PCNX1: variants seen among roughly 807,000 people sequenced by gnomAD.
PCNX1 encodes the protein pecanex-like protein 1.
Under a neutral mutation model 242.2 loss-of-function variants are expected in PCNX1, and 78 were observed. The ratio of observed to expected loss-of-function variants is 0.32; its 90% CI spans 0.27 to 0.39. PCNX1 has a LOEUF of 0.39. Among genes scored for constraint, PCNX1 ranks in the 10% least tolerant of loss-of-function variants. The probability of loss-of-function intolerance (pLI) is 1.00; values close to 1 mark genes in which losing one functional copy is unlikely to be tolerated. For missense variants in PCNX1, 2,581 were observed against 2,856.5 expected, an observed-to-expected ratio of 0.90 and a Z score of 2.20; for synonymous variants, 1,024 against 1,032.9, an observed-to-expected ratio of 0.99 and a Z score of 0.17.
chr14:70,912,814 A>C (rs2055983669), intron 1 of PCNX1, among the ~76,000 whole-genome samples: 1 of 152,132 alleles, frequency 6.6e-6, no homozygotes, highest in South Asian at 2.1e-4. Context: ...TGCTGTAGTC[A>C]CACTGGCCTT....
intron 6 of PCNX1, among the ~76,000 whole-genome samples, chr14:70,984,216 C>G (rs1012184325): frequency 6.6e-6 from 1 of 151,236 alleles, no homozygotes; most frequent in African/African-American, 2.4e-5. Flanking sequence ...CTTTTCCCCC[C>G]ACGATAAACA....
chr14:71,095,681 TA>T (rs1225532826), intron 30 of PCNX1, among the ~76,000 whole-genome samples: 1 of 152,132 alleles, frequency 6.6e-6, no homozygotes, highest in East Asian at 1.9e-4. Flanking sequence ...TGTAACATGC[TA>T]TTTTTTTTCA....
intron 26 of PCNX1, among the ~76,000 whole-genome samples, chr14:71,060,306 T>TAA (rs568029464): frequency 3.7e-4 from 57 of 152,212 alleles, no homozygotes; most frequent in Non-Finnish European, 6.3e-4. Context: ...TAGTACTAGA[T>TAA]AATGATAATA....
intron 19 of PCNX1, among the ~76,000 whole-genome samples, chr14:71,043,082 G>A (rs1321187841): frequency 6.6e-6 from 1 of 152,062 alleles, no homozygotes; most frequent in Non-Finnish European, 1.5e-5. Context: ...AGTATTTTTA[G>A]CTGAAGAGTT....
Position 71,108,738 on chromosome 14 carries a change from G to T in PCNX1, c.6436G>T (p.Val2146Leu). Residue 2146 changes from valine to leucine, a missense_variant, in exon 34 of 36, where the codon GTG becomes TTG. Coordinates refer to ENST00000304743, the MANE Select transcript of PCNX1 (RefSeq NM_014982.3). ...CCTCCGGATGTCCACCACTGGGTTT[G>T]TGCCTTGTCGGCGCTCTTCTACTAG... ...SSLRMSTTGF[V>L]PCRRSSTSQI... 1 of 1,614,240 alleles carries T rather than the reference G, an allele frequency of 6.2e-7. No individual in the cohort carries two copies. The highest frequency in any genetic ancestry group is 8.5e-7 in the Non-Finnish European group (1 of 1,180,036).
intron 1 of PCNX1, among the ~76,000 whole-genome samples, chr14:70,930,974 G>T (rs1016135420): frequency 6.6e-6 from 1 of 151,952 alleles, no homozygotes; most frequent in South Asian, 2.1e-4. Flanking sequence ...TGAGTCCTTT[G>T]GGGGGCAGCT....
At chr14:70,959,518 T>C (rs1353406356) in intron 2 of PCNX1, among the ~76,000 whole-genome samples, 3 of 151,860 alleles carry the variant, frequency 2.0e-5, no homozygotes, top group Non-Finnish European at 2.9e-5. Context: ...CTGAGAATGA[T>C]GATTTCCAAT....
At chr14:70,968,868 A>G (rs1294286456) in intron 4 of PCNX1, among the ~76,000 whole-genome samples, 153 bp from the exon 5 acceptor site, 1 of 152,242 alleles carries the variant, frequency 6.6e-6, no homozygotes, top group Non-Finnish European at 1.5e-5. Flanking sequence ...CTGCTAGTTC[A>G]GTGCATCTTC....
At chr14:71,041,731 C>T (rs1388346953) in intron 19 of PCNX1, among the ~76,000 whole-genome samples, 1 of 151,848 alleles carries the variant, frequency 6.6e-6, no homozygotes, top group Non-Finnish European at 1.5e-5. Context: ...TGAGGTACAT[C>T]ATGAGGTTGT....
intron 27 of PCNX1, 29 bp from the exon 28 acceptor site, chr14:71,076,159 AT>A (rs770147362): frequency 1.8e-5 from 23 of 1,305,882 alleles, no homozygotes; most frequent in Non-Finnish European, 2.4e-5. Flanking sequence ...TTTAATCTGA[AT>A]TCTTTTTTTT....
intron 35 of PCNX1, 53 bp downstream of exon 35, chr14:71,109,645 C>T: frequency 6.2e-7 from 1 of 1,605,642 alleles, no homozygotes; most frequent in Non-Finnish European, 8.5e-7. Context: ...TTGAAGTCCG[C>T]CTCACTTGGA....
chr14:70,965,706 A>C (rs1409842741), intron 3 of PCNX1, among the ~76,000 whole-genome samples: 1 of 150,876 alleles, frequency 6.6e-6, no homozygotes, highest in Non-Finnish European at 1.5e-5. Context: ...AAATTGCCAT[A>C]GGAATGGTAG....
At chr14:70,958,044 T>C (rs2058058948) in intron 2 of PCNX1, among the ~76,000 whole-genome samples, 1 of 148,328 alleles carries the variant, frequency 6.7e-6, no homozygotes, top group Non-Finnish European at 1.5e-5. Context: ...TCTATATACA[T>C]ACTTAAAGTT....
intron 1 of PCNX1, among the ~76,000 whole-genome samples, chr14:70,924,794 G>T (rs1453137308): frequency 6.6e-6 from 1 of 151,910 alleles, no homozygotes. Context: ...TTGCTATGTT[G>T]CCCAGGCTGG....
At chr14:71,059,073 A>T (rs2061256873) in intron 26 of PCNX1, among the ~76,000 whole-genome samples, 2 of 136,928 alleles carry the variant, frequency 1.5e-5, no homozygotes, top group South Asian at 4.5e-4. Context: ...TTAATTTTTT[A>T]AAATAAATGT....
intron 30 of PCNX1, among the ~76,000 whole-genome samples, chr14:71,091,120 T>G (rs926574528): frequency 6.6e-6 from 1 of 152,148 alleles, no homozygotes; most frequent in African/African-American, 2.4e-5. Context: ...AAGTGGAGAA[T>G]GTAATGCAAC....
At position 70,925,011 on chromosome 14, in the gene PCNX1, C is replaced by T. The variant is rs185640341; in HGVS notation, c.153+17008C>T. ...TTTTTTTTTTAATTTTTTATTGAGACAGAATCTCACTCTGTTGCCCAGACA... is the reference window on the plus strand; with the variant it reads ...TTTTTTTTTTAATTTTTTATTGAGATAGAATCTCACTCTGTTGCCCAGACA... On this transcript the variant is annotated intron_variant, in intron 1 of 35. Transcript: ENST00000304743. Among the ~76,000 whole-genome samples the T allele has an allele frequency of 4.6e-3, 700 of 151,216 alleles. 3 individuals are homozygous for T. The highest frequency in any genetic ancestry group is 0.016 in the African/African-American group (660 of 41,154).
chr14:70,920,612 C>T (rs999151512), intron 1 of PCNX1, among the ~76,000 whole-genome samples: 2 of 152,032 alleles, frequency 1.3e-5, no homozygotes, highest in Non-Finnish European at 2.9e-5. Flanking sequence ...TGACAAATTT[C>T]GTAAAATGAA....
chr14:71,033,461 T>G lies in PCNX1; in HGVS notation c.3591T>G (p.Leu1197=). The stretch of plus-strand genomic sequence containing the variant: ...GGGATGGCCAGCATATTCCAGTACT[T>G]TTCTCCATTTTTTGTGGTTTATTAG... The part of the protein sequence containing the change: ...DSWDGQHIPV[L]FSIFCGLLVA... Residue 1197 remains leucine, a synonymous_variant, in exon 17 of 36, where the codon CTT becomes CTG. Coordinates refer to ENST00000304743, the MANE Select transcript of PCNX1 (RefSeq NM_014982.3). 6.2e-7 allele frequency: 1 copy of G among 1,607,920 alleles called. No individual in the cohort carries two copies. The highest frequency in any genetic ancestry group is 1.1e-5 in the South Asian group (1 of 90,860).
Sources: allele counts gnomAD v4.1 joint callset (sites outside exome capture counted in the v4.1 genomes callset), GRCh38; gene constraint gnomAD v4.1.1; transcripts MANE v1.5; gene names NCBI Gene and HGNC (gene_info 2026-07-23, HGNC 2026-07-21).